AATK: variants seen among roughly 807,000 people sequenced by gnomAD.
AATK encodes the protein lemur tail kinase 1.
In AATK, 91 loss-of-function variants were observed where a neutral mutation model predicts 114.3. The observed-to-expected ratio is 0.80, with a 90% CI of 0.67 to 0.95. The LOEUF (loss-of-function observed/expected upper bound fraction) is 0.95, where lower values mean the gene tolerates loss of function less well. AATK is among the 40% of genes least tolerant of loss of function. The pLI is 0.00. For missense variants in AATK, 2,176 were observed against 1,965.2 expected (o/e 1.11, Z -2.03); for synonymous variants, 1,075 against 916.5 (o/e 1.17, Z -3.12).
rs772610894 is a variant in AATK, at chr17:81,121,316, T to C, written c.2620A>G (p.Thr874Ala). 2 of 1,611,868 alleles carry C rather than the reference T, an allele frequency of 1.2e-6. No homozygotes were observed. The highest frequency in any genetic ancestry group is 2.2e-5 in the South Asian group (2 of 91,010). The change falls in exon 11 of 14, where the codon ACG (threonine) becomes GCG (alanine). Residue 874 changes from threonine to alanine, a missense_variant. Physicochemically the swap from Thr to Ala is moderately conservative, Grantham distance 58. Around this residue, in one of 4 missense-constraint regions of AATK, gnomAD observed 1,701 missense variants for 1,394.7 expected, o/e 1.22. Transcript: ENST00000326724. ...CTGGCCTGCAGGCCGTCGCTGGACG[T>C]GTCGGTGAAGATGCCTGAGGTGGCC... The part of the protein sequence containing the change: ...AEATSGIFTD[T>A]SSDGLQARRP...
At chr17:81,139,363 G>T (rs7211267) in intron 1 of AATK, among the ~76,000 whole-genome samples, 121,812 of 152,162 alleles carry the variant, frequency 0.8, 49,161 homozygotes, top group East Asian at 0.98. Flanking sequence ...CATTAATGCC[G>T]CACTCTTCCC....
chr17:81,144,254 A>G (rs1005005707), intron 1 of AATK, among the ~76,000 whole-genome samples: 7 of 152,214 alleles, frequency 4.6e-5, no homozygotes, highest in African/African-American at 1.4e-4. Context: ...AATGTCCCCA[A>G]ATCACACAAA....
At chr17:81,125,104 G>A (rs368429903) in intron 7 of AATK, 90 bp from the exon 8 acceptor site, 157 of 896,446 alleles carry the variant, frequency 1.8e-4, no homozygotes, top group South Asian at 3.6e-4. Context: ...GGGGTGTGCC[G>A]GGCGGGGGCA....
chr17:81,119,481 G>A lies in AATK; in HGVS notation c.3983C>T (p.Thr1328Met), dbSNP rs778406052. The A allele has an allele frequency of 1.6e-5, 24 of 1,517,660 alleles. No homozygotes were observed. The allele number at this position is 1,517,660 out of a possible 1,614,324, so 94.0% of individuals were successfully genotyped here. Residue 1328 changes from threonine to methionine, a missense_variant, in exon 13 of 14, where the codon ACG (threonine) becomes ATG (methionine). Physicochemically the swap from Thr to Met is moderately conservative, Grantham distance 81. Transcript: ENST00000326724. The stretch of plus-strand genomic sequence containing the variant: ...GCGCGAGAAGGGAGCGGGCGTGGGC[G>A]TGGGCGCAGCCGGGGCGGGTGCGGC... The part of the protein sequence containing the change: ...DPAAPAPAAP[T>M]PTPAPFSRFT...
intron 1 of AATK, among the ~76,000 whole-genome samples, chr17:81,159,702 G>A (rs2061407634): frequency 1.3e-5 from 2 of 151,916 alleles, no homozygotes; most frequent in South Asian, 4.2e-4. Flanking sequence ...GGGCCTCGTC[G>A]GAGGATCCTC....
At chr17:81,151,976 C>CA (rs942546299) in intron 1 of AATK, among the ~76,000 whole-genome samples, 7 of 152,208 alleles carry the variant, frequency 4.6e-5, no homozygotes, top group African/African-American at 1.7e-4. Context: ...CGCTTGCCTT[C>CA]AAAAAAACAG....
At chr17:81,145,317 T>C (rs925335883) in intron 1 of AATK, among the ~76,000 whole-genome samples, 1 of 151,426 alleles carries the variant, frequency 6.6e-6, no homozygotes, top group African/African-American at 2.4e-5. Context: ...GATTCTAAGA[T>C]AGATTACAGC....
chr17:81,155,894 C>T (rs2061355514), intron 1 of AATK, among the ~76,000 whole-genome samples: 1 of 151,472 alleles, frequency 6.6e-6, no homozygotes, highest in Non-Finnish European at 1.5e-5. Context: ...GTTGCCCAAG[C>T]TGGCCTTGAA....
chr17:81,164,297 C>T (rs532291317), intron 1 of AATK, among the ~76,000 whole-genome samples: 1 of 152,296 alleles, frequency 6.6e-6, no homozygotes, highest in Non-Finnish European at 1.5e-5. Flanking sequence ...CCCTAACCCT[C>T]TCATGGGGGC....
intron 1 of AATK, among the ~76,000 whole-genome samples, chr17:81,139,223 T>C (rs56020895): frequency 0.15 from 23,063 of 152,224 alleles, 2,003 homozygotes; most frequent in South Asian, 0.22. Flanking sequence ...CTCTGCCAGC[T>C]CCACTGCCCT....
At chr17:81,130,874 C>T (rs1207908823) in intron 3 of AATK, among the ~76,000 whole-genome samples, 187 bp downstream of exon 3, 1 of 152,216 alleles carries the variant, frequency 6.6e-6, no homozygotes, top group Non-Finnish European at 1.5e-5. Flanking sequence ...CCTTTGGCCC[C>T]ACAGTGCGGC....
chr17:81,166,042 C>A lies in AATK; in HGVS notation c.-50G>T, dbSNP rs2061487006. Reference sequence around the variant, plus strand: ...TCCCGGGAGGGCGCTGCGCTCAGGACGCCCGCGGCCCCGGCCCGAGCCGCC... The same window carrying A: ...TCCCGGGAGGGCGCTGCGCTCAGGAAGCCCGCGGCCCCGGCCCGAGCCGCC... On this transcript the variant is annotated 5_prime_UTR_variant, in exon 1 of 14. Transcript: ENST00000326724. 22 of 1,395,722 alleles carry A rather than the reference C, an allele frequency of 1.6e-5. No homozygotes were observed. Among genetic ancestry groups the A allele is most frequent in the Non-Finnish European group, 1.8e-5 (19 of 1,066,244 alleles). 86.5% of individuals were successfully genotyped at this position (1,395,722 alleles called of 1,614,324 possible).
At chr17:81,119,142 AGGT>A (rs2060630592) in intron 13 of AATK, among the ~76,000 whole-genome samples, 2 of 14,802 alleles carry the variant, frequency 1.4e-4, no homozygotes, top group Admixed American at 2.1e-3. Context: ...GGTGAGGGCC[AGGT>A]GAGGGTCAGG....
chr17:81,164,274 AC>A lies in AATK; in HGVS notation c.55+1663del, dbSNP rs1036119384. 1.5e-3 allele frequency among the ~76,000 whole-genome samples: 222 copies of A among 152,066 alleles called. 2 individuals carry two copies. Among genetic ancestry groups the A allele is most frequent in the Non-Finnish European group, 3.5e-4 (24 of 67,948 alleles). ...GCTAAGTTTAGCGGGAGGGCAGGAG[AC>A]CCCTCTCTCCTCCCTAACCCTCTCA... On this transcript the variant is annotated intron_variant, in intron 1 of 13. Coordinates refer to ENST00000326724, the MANE Select transcript of AATK (RefSeq NM_001080395.3).
chr17:81,121,592 G>A lies in AATK; in HGVS notation c.2344C>T (p.Leu782Phe). ...GGDHPQAEPKLATEAEGTTGP... is the reference protein window; with the variant it reads ...GGDHPQAEPKFATEAEGTTGP... The stretch of plus-strand genomic sequence containing the variant: ...GTAGTGCCCTCAGCCTCCGTGGCAA[G>A]CTTGGGCTCTGCCTGCGGGTGGTCA... Residue 782 changes from leucine to phenylalanine, a missense_variant, in exon 11 of 14, where the codon CTT (leucine) becomes TTT (phenylalanine). This residue lies in a region of AATK where 1,701 missense variants were observed against 1,394.7 expected (regional missense o/e 1.22). Coordinates refer to ENST00000326724, the MANE Select transcript of AATK (RefSeq NM_001080395.3). The A allele has an allele frequency of 6.6e-7, 1 of 1,505,320 alleles. No individual in the cohort carries two copies. Among genetic ancestry groups the A allele is most frequent in the South Asian group, 1.3e-5 (1 of 74,584 alleles). 93.2% of individuals were successfully genotyped at this position (1,505,320 alleles called of 1,614,324 possible). A position where few individuals can be genotyped will look rare whatever the true frequency, so the allele number is the denominator to read the frequency against.
rs975769352 is a variant in AATK at position 81,121,952 on chromosome 17, C to T, written c.1984G>A (p.Asp662Asn). 5 of 1,599,596 alleles carry T rather than the reference C, an allele frequency of 3.1e-6. No homozygotes were observed. In the African/African-American group the frequency reaches 4.0e-5, roughly 13 times the overall value. Residue 662 changes from aspartate to asparagine, a missense_variant, in exon 11 of 14, where the codon GAT becomes AAT. Asp to Asn is a conservative substitution (Grantham distance 23). Coordinates refer to ENST00000326724, the MANE Select transcript of AATK (RefSeq NM_001080395.3). ...GAPPLPLTGEDELEEVGARRA... is the reference protein window; with the variant it reads ...GAPPLPLTGENELEEVGARRA... ...CGCGCTCCCACCTCCTCTAGCTCATCCTCGCCAGTCAGCGGCAGCGGGGGC... is the reference window on the plus strand; with the variant it reads ...CGCGCTCCCACCTCCTCTAGCTCATTCTCGCCAGTCAGCGGCAGCGGGGGC...
chr17:81,119,540 C>G lies in AATK; in HGVS notation c.3924G>C (p.Thr1308=). 6.3e-7 allele frequency: 1 copy of G among 1,580,258 alleles called. No homozygotes were observed. Among genetic ancestry groups the G allele is most frequent in the Non-Finnish European group, 8.6e-7 (1 of 1,165,764 alleles). The stretch of plus-strand genomic sequence containing the variant: ...GGGCCATGGCGAAGGCTGCCTTGGC[C>G]GTCATCAGCGGGAAGTCGTCGTCCC... ...FAWDDDFPLM[T]AKAAFAMALD... The change falls in exon 13 of 14, where the codon ACG becomes ACC. Residue 1308 remains threonine (T), a synonymous_variant. Transcript: ENST00000326724.
At position 81,120,607 on chromosome 17, in the gene AATK, G is replaced by T; in HGVS notation, c.3329C>A (p.Ser1110Ter). The change falls in exon 11 of 14, where the codon TCA becomes TAA. Residue 1110 changes from serine (S) to a stop codon, truncating the protein, a stop_gained. Transcript: ENST00000326724. LOFTEE classifies it high-confidence loss of function. ...FFLLTPVPLR[S>*]EGNSSEFQGP... ...CTGGAACTCAGAGCTGTTGCCTTCT[G>T]ATCTCAGCGGAACCGGGGTCAGCAG... is the stretch of plus-strand genomic sequence containing the variant. The T allele has an allele frequency of 6.4e-7, 1 of 1,551,292 alleles. No homozygotes were observed.
rs1325520124 is a variant in AATK at position 81,121,120 on chromosome 17, T to C, written c.2816A>G (p.Tyr939Cys). 6.2e-7 allele frequency: 1 copy of C among 1,605,518 alleles called. No individual in the cohort carries two copies. Among genetic ancestry groups the C allele is most frequent in the South Asian group, 1.1e-5 (1 of 90,008 alleles). ...GGQPRALDSG[Y>C]DTENYESPEF... ...AGGGGACTCATAGTTCTCGGTGTCA[T>C]AGCCACTGTCCAGCGCTCGCGGCTG... The change falls in exon 11 of 14, where the codon TAT becomes TGT. Residue 939 changes from tyrosine (Y) to cysteine (C), a missense_variant. Tyr to Cys is a radical substitution (Grantham distance 194). This residue lies in a region of AATK where 1,701 missense variants were observed against 1,394.7 expected (regional missense o/e 1.22). Coordinates refer to ENST00000326724, the MANE Select transcript of AATK (RefSeq NM_001080395.3).
Sources: allele counts gnomAD v4.1 joint callset (sites outside exome capture counted in the v4.1 genomes callset), GRCh38; gene constraint gnomAD v4.1.1; regional missense constraint gnomAD v4.1.1; transcripts MANE v1.5; gene names NCBI Gene and HGNC (gene_info 2026-07-23, HGNC 2026-07-21).